Variants in DNAH6 observed in about 807,000 individuals in gnomAD.
DNAH6 encodes the protein axonemal beta dynein heavy chain 6.
Under a neutral mutation model 491.4 loss-of-function variants are expected in DNAH6, and 340 were observed. The observed-to-expected ratio is 0.69, with a 90% CI of 0.63 to 0.76. DNAH6 has a LOEUF of 0.76. DNAH6 is among the 30% of genes least tolerant of loss of function. The pLI is 0.00. For missense variants in DNAH6, 4,443 were observed against 4,972.2 expected, an observed-to-expected ratio of 0.89 and a Z score of 3.20; for synonymous variants, 1,603 against 1,686.1, an observed-to-expected ratio of 0.95 and a Z score of 1.21.
chr2:84,699,671 T>G lies in DNAH6; in HGVS notation c.7755T>G (p.Phe2585Leu). Residue 2585 changes from phenylalanine (F) to leucine (L), a missense_variant, in exon 48 of 77, where the codon TTT (phenylalanine) becomes TTG (leucine). Phe to Leu is a conservative substitution (Grantham distance 22). Coordinates refer to ENST00000389394, the MANE Select transcript of DNAH6 (RefSeq NM_001370.2). ...GCATGAGCCCAGTTGGGGAGGCCTTTCGGTCCCGATGCAGGATGTTTCCAT... is the reference window on the plus strand; with the variant it reads ...GCATGAGCCCAGTTGGGGAGGCCTTGCGGTCCCGATGCAGGATGTTTCCAT... ...VLCMSPVGEA[F>L]RSRCRMFPSL... is the part of the protein sequence containing the mutation. The G allele has an allele frequency of 6.4e-7, 1 of 1,551,802 alleles. No individual in the cohort carries two copies. The highest frequency in any genetic ancestry group is 8.7e-7 in the Non-Finnish European group (1 of 1,146,996).
chr2:84,491,025 C>T, the DNAH6 span, among the ~76,000 whole-genome samples: 1 of 152,158 alleles, frequency 6.6e-6, no homozygotes, highest in Admixed American at 6.5e-5. Context: ...ATTGATAAAT[C>T]TTTAGGTTGC....
chr2:84,689,215 C>T (rs1573492610), intron 45 of DNAH6, among the ~76,000 whole-genome samples: 1 of 152,180 alleles, frequency 6.6e-6, no homozygotes, highest in African/African-American at 2.4e-5. Context: ...GATTAAGGTA[C>T]TCAGTGTGGG....
intron 70 of DNAH6, 114 bp downstream of exon 70, chr2:84,797,772 A>C: frequency 1.0e-6 from 1 of 959,298 alleles, no homozygotes; most frequent in Non-Finnish European, 1.5e-6. Context: ...AAACAAATAA[A>C]ATAATTGTTT....
the DNAH6 span, among the ~76,000 whole-genome samples, chr2:84,503,246 A>G: frequency 6.6e-6 from 1 of 152,108 alleles, no homozygotes; most frequent in East Asian, 1.9e-4. Flanking sequence ...TGTTTGCATA[A>G]ACAAACAAAG....
At chr2:84,812,272 T>G in intron 72 of DNAH6, 69 bp from the exon 73 acceptor site, 4 of 1,409,818 alleles carry the variant, frequency 2.8e-6, no homozygotes, top group Non-Finnish European at 3.9e-6. Flanking sequence ...CCTGCTGTCA[T>G]TAATGTGTGT....
At chr2:84,795,953 A>G (rs1171653594) in intron 68 of DNAH6, among the ~76,000 whole-genome samples, 1 of 152,212 alleles carries the variant, frequency 6.6e-6, no homozygotes, top group Non-Finnish European at 1.5e-5. Context: ...TGTTTGATGG[A>G]AAGTGTGTAT....
At chr2:84,488,402 A>T in the DNAH6 span, among the ~76,000 whole-genome samples, 507 of 142,324 alleles carry the variant, frequency 3.6e-3, 1 homozygote, top group Middle Eastern at 0.011. Flanking sequence ...ATAAAAAAAT[A>T]AAAAAATTAA....
Position 84,707,843 on chromosome 2 carries a change from A to T in DNAH6, c.9048+127A>T, listed in dbSNP as rs974182067. 1.1e-5 allele frequency: 8 copies of T among 704,612 alleles called. No homozygotes were observed. In the Admixed American group the frequency reaches 1.5e-4, roughly 13 times the overall value. 43.6% of individuals were successfully genotyped at this position (704,612 alleles called of 1,614,324 possible). A position where few individuals can be genotyped will look rare whatever the true frequency, so the allele number is the denominator to read the frequency against. On this transcript the variant is annotated intron_variant, in intron 54 of 76. Coordinates refer to ENST00000389394, the MANE Select transcript of DNAH6 (RefSeq NM_001370.2). The stretch of plus-strand genomic sequence containing the variant: ...AGGTTCTTCATGGTGGAATTTCTTT[A>T]TATATTTCACAGCGCTTCACTCCCC...
chr2:84,544,187 G>A (rs1678542463), intron 4 of DNAH6, 46 bp from the exon 5 acceptor site: 8 of 1,027,256 alleles, frequency 7.8e-6, no homozygotes, highest in Non-Finnish European at 1.1e-5. Flanking sequence ...GCTTCATTTT[G>A]TATTGAATAC....
In DNAH6 at chr2:84,808,466, A is replaced by G; in HGVS notation, c.11663A>G (p.Gln3888Arg). 6.5e-7 allele frequency: 1 copy of G among 1,546,740 alleles called. No individual in the cohort carries two copies. Among genetic ancestry groups the G allele is most frequent in the Non-Finnish European group, 8.7e-7 (1 of 1,145,756 alleles). ...ASESLFVKDL[Q>R]GRLNSLTTVL... Reference sequence around the variant, plus strand: ...GAGAGCCTTTTTGTCAAGGATCTTCAAGGACGTCTGAACTCCTTGACCACC... The same window carrying G: ...GAGAGCCTTTTTGTCAAGGATCTTCGAGGACGTCTGAACTCCTTGACCACC... Residue 3888 changes from glutamine to arginine, a missense_variant, in exon 72 of 77, where the codon CAA (glutamine) becomes CGA (arginine). By Grantham distance (43) the Gln-to-Arg change is conservative. This residue lies in a region of DNAH6 where 1,463 missense variants were observed against 1,656.6 expected (regional missense o/e 0.88). Transcript: ENST00000389394.
intron 64 of DNAH6, among the ~76,000 whole-genome samples, chr2:84,774,069 T>C (rs112890206): frequency 2.0e-4 from 30 of 152,218 alleles, no homozygotes; most frequent in African/African-American, 6.5e-4. Context: ...TCCACTTAAT[T>C]TGGTCCCATA....
intron 54 of DNAH6, among the ~76,000 whole-genome samples, chr2:84,707,926 C>T (rs1374101351): frequency 6.6e-6 from 1 of 152,196 alleles, no homozygotes; most frequent in Non-Finnish European, 1.5e-5. Context: ...CCCTTTCCTT[C>T]TCCTGTCTTA....
chr2:84,621,603 GT>G (rs888397846), intron 26 of DNAH6, 52 bp downstream of exon 26: 321 of 1,144,480 alleles, frequency 2.8e-4, no homozygotes, highest in Non-Finnish European at 3.2e-4. Context: ...GTCTTGGTGG[GT>G]TTTTTTTTAA....
At chr2:84,572,895 T>C (rs1193102064) in intron 11 of DNAH6, among the ~76,000 whole-genome samples, 1 of 152,232 alleles carries the variant, frequency 6.6e-6, no homozygotes, top group Non-Finnish European at 1.5e-5. Context: ...ACTGAAGTGA[T>C]TGGAAATCGT....
At chr2:84,646,892 G>A (rs1344847136) in intron 33 of DNAH6, among the ~76,000 whole-genome samples, 2 of 152,178 alleles carry the variant, frequency 1.3e-5, no homozygotes, top group Non-Finnish European at 2.9e-5. Flanking sequence ...CTGCCCCCCA[G>A]GCTGGAGTGC....
chr2:84,724,419 A>G (rs1698436444), intron 60 of DNAH6, among the ~76,000 whole-genome samples: 1 of 152,208 alleles, frequency 6.6e-6, no homozygotes, highest in Admixed American at 6.5e-5. Context: ...TGGAATTCAA[A>G]GCCAAATCCA....
the DNAH6 span, among the ~76,000 whole-genome samples, chr2:84,481,904 A>G: frequency 1.3e-5 from 2 of 152,258 alleles, no homozygotes; most frequent in Middle Eastern, 3.4e-3. Flanking sequence ...TTGCACATCC[A>G]CCATCCTCCC....
At chr2:84,590,462 T>C (rs1219696114) in intron 16 of DNAH6, among the ~76,000 whole-genome samples, 1 of 128,680 alleles carries the variant, frequency 7.8e-6, no homozygotes, top group African/African-American at 2.9e-5. Context: ...GCCACCGCAC[T>C]CCAGCCTGGG....
chr2:84,648,909 A>G lies in DNAH6; in HGVS notation c.5079-4410A>G, dbSNP rs557124447. 3.3e-4 allele frequency among the ~76,000 whole-genome samples: 51 copies of G among 152,360 alleles called. No homozygotes were observed. The Middle Eastern group carries it at 0.01, about 30-fold the overall frequency. On this transcript the variant is annotated intron_variant, in intron 33 of 76. Coordinates refer to ENST00000389394, the MANE Select transcript of DNAH6 (RefSeq NM_001370.2). ...ATGCTATCAAACAGCATCACATGCTACATAGATATCTTTCACAAAAGAGTC... is the reference window on the plus strand; with the variant it reads ...ATGCTATCAAACAGCATCACATGCTGCATAGATATCTTTCACAAAAGAGTC...
Sources: allele counts gnomAD v4.1 joint callset (sites outside exome capture counted in the v4.1 genomes callset), GRCh38; gene constraint gnomAD v4.1.1; regional missense constraint gnomAD v4.1.1; transcripts MANE v1.5; gene names NCBI Gene and HGNC (gene_info 2026-07-23, HGNC 2026-07-21).